ZCCHC7: variants seen among roughly 807,000 people sequenced by gnomAD.
ZCCHC7 encodes zinc finger CCHC-type containing 7.
ZCCHC7 carries 35 observed loss-of-function variants against 52.0 expected under a neutral mutation model. The ratio of observed to expected loss-of-function variants is 0.67; its 90% CI spans 0.51 to 0.89. ZCCHC7 has a LOEUF of 0.89. Ranked by LOEUF, ZCCHC7 falls within the 40% of genes least tolerant of loss-of-function variation. ZCCHC7 has a pLI of 0.00. For missense variants in ZCCHC7, 574 were observed against 649.1 expected (o/e 0.88, Z 1.26); for synonymous variants, 217 against 221.5 (o/e 0.98, Z 0.18).
intron 2 of ZCCHC7, among the ~76,000 whole-genome samples, chr9:37,177,010 A>G (rs1293266174): frequency 5.9e-5 from 9 of 152,198 alleles, no homozygotes; most frequent in Non-Finnish European, 2.9e-5. Flanking sequence ...GGCCAGGACA[A>G]CAGAAAGTTG....
At chr9:37,319,674 C>A (rs1375065067) in intron 5 of ZCCHC7, among the ~76,000 whole-genome samples, 1 of 152,176 alleles carries the variant, frequency 6.6e-6, no homozygotes, top group African/African-American at 2.4e-5. Flanking sequence ...GATCTGCCTA[C>A]CTTGGCCTCA....
chr9:37,294,385 A>G (rs1386289634), intron 2 of ZCCHC7, among the ~76,000 whole-genome samples: 11 of 152,288 alleles, frequency 7.2e-5, no homozygotes, highest in African/African-American at 2.2e-4. Flanking sequence ...TGACATAAAT[A>G]TCTGGCAGCT....
chr9:37,274,349 T>A, intron 2 of ZCCHC7, among the ~76,000 whole-genome samples: 1 of 140,856 alleles, frequency 7.1e-6, no homozygotes, highest in African/African-American at 2.7e-5. Context: ...TTTTTTTTTT[T>A]TTTTTTTTGA....
chr9:37,207,845 C>G (rs943444219), intron 2 of ZCCHC7, among the ~76,000 whole-genome samples: 2 of 151,924 alleles, frequency 1.3e-5, no homozygotes, highest in African/African-American at 2.4e-5. Context: ...GTGTGATTTC[C>G]TATCTGTTTA....
chr9:37,352,653 A>G (rs998375391), intron 7 of ZCCHC7, among the ~76,000 whole-genome samples: 3 of 149,432 alleles, frequency 2.0e-5, no homozygotes, highest in African/African-American at 7.4e-5. Context: ...AGTAGCTGGG[A>G]TTACAGGCAT....
rs1820788493 is a variant in ZCCHC7, at chr9:37,155,886, G to A, written c.610+28944G>A. 2.6e-5 allele frequency among the ~76,000 whole-genome samples: 4 copies of A among 152,122 alleles called. 1 individual carries two copies. In the South Asian group the frequency reaches 8.3e-4, roughly 31 times the overall value. On this transcript the variant is annotated intron_variant, in intron 2 of 8. Coordinates refer to ENST00000336755, the MANE Select transcript of ZCCHC7 (RefSeq NM_032226.3). ...TCATCACTTCATAAATATTTATTGA[G>A]TGTTTTTCTTGTTAAGCACTAGATA... is the stretch of plus-strand genomic sequence containing the variant.
intron 6 of ZCCHC7, among the ~76,000 whole-genome samples, chr9:37,344,963 C>T (rs1022633121): frequency 4.6e-5 from 7 of 152,222 alleles, no homozygotes; most frequent in African/African-American, 1.7e-4. Flanking sequence ...TTCTGCTCTA[C>T]TTGTCCCCTT....
upstream of ZCCHC7, chr9:37,120,556 C>T: frequency 2.5e-6 from 1 of 399,452 alleles, no homozygotes. Flanking sequence ...CCTCATTTGT[C>T]CTCGCCCCTC....
intron 2 of ZCCHC7, among the ~76,000 whole-genome samples, chr9:37,212,689 G>C (rs1230084547): frequency 1.3e-5 from 2 of 152,138 alleles, no homozygotes; most frequent in Non-Finnish European, 2.9e-5. Context: ...TGGATGAATT[G>C]CTTCTCTCTC....
chr9:37,148,036 T>C (rs988626334), intron 2 of ZCCHC7, among the ~76,000 whole-genome samples: 4 of 152,100 alleles, frequency 2.6e-5, no homozygotes, highest in African/African-American at 9.7e-5. Flanking sequence ...GAATCTATAC[T>C]TGCATCTGTC....
chr9:37,136,229 T>G (rs1167904290), intron 2 of ZCCHC7, among the ~76,000 whole-genome samples: 1 of 152,198 alleles, frequency 6.6e-6, no homozygotes, highest in African/African-American at 2.4e-5. Flanking sequence ...TTTGGGTAAC[T>G]TAATTTCTTT....
At chr9:37,269,113 TC>T (rs1827261188) in intron 2 of ZCCHC7, among the ~76,000 whole-genome samples, 1 of 152,202 alleles carries the variant, frequency 6.6e-6, no homozygotes, top group Admixed American at 6.5e-5. Context: ...TTGCTTGCTG[TC>T]CTGAAGGTAG....
intron 2 of ZCCHC7, among the ~76,000 whole-genome samples, chr9:37,245,424 A>G (rs1170379529): frequency 6.6e-6 from 1 of 152,078 alleles, no homozygotes; most frequent in African/African-American, 2.4e-5. Flanking sequence ...AAATTATTAG[A>G]TAAGCAAATA....
Position 37,354,491 on chromosome 9 carries a change from G to C in ZCCHC7, c.1084-219G>C, listed in dbSNP as rs2118688870. ...TACGAAGGGTTTCATAGGTAAAGAA[G>C]TAAGGGAAGAAAACTCAAGCTTGAA... On this transcript the variant is annotated intron_variant, in intron 7 of 8. Transcript: ENST00000336755. This position sits in a 1 kb window ranked among gnomAD's most constrained non-coding sequence, Gnocchi z 4.0. Among the ~76,000 whole-genome samples the C allele has an allele frequency of 6.6e-6, 1 of 152,314 alleles. No homozygotes were observed.
chr9:37,239,473 A>G (rs1447903736), intron 2 of ZCCHC7, among the ~76,000 whole-genome samples: 1 of 152,116 alleles, frequency 6.6e-6, no homozygotes, highest in Non-Finnish European at 1.5e-5. Context: ...TACTAGGCTG[A>G]AACAAAAGAA....
chr9:37,339,171 A>G (rs1830816417), intron 6 of ZCCHC7, among the ~76,000 whole-genome samples: 1 of 152,210 alleles, frequency 6.6e-6, no homozygotes, highest in African/African-American at 2.4e-5. Context: ...TCACTAAGCA[A>G]AAATAAAAGC....
chr9:37,268,002 CTTGAAG>C (rs1827200412), intron 2 of ZCCHC7, among the ~76,000 whole-genome samples: 1 of 152,138 alleles, frequency 6.6e-6, no homozygotes, highest in African/African-American at 2.4e-5. Flanking sequence ...CCTGCATTTT[CTTGAAG>C]TTGAAGATTT....
chr9:37,176,929 TTTTG>T (rs904756356), intron 2 of ZCCHC7, among the ~76,000 whole-genome samples: 50 of 152,218 alleles, frequency 3.3e-4, no homozygotes, highest in Admixed American at 8.5e-4. Context: ...ACACTGGTGT[TTTTG>T]TTTGTTTGTT....
intron 2 of ZCCHC7, among the ~76,000 whole-genome samples, chr9:37,235,223 C>T (rs1048899009): frequency 6.6e-6 from 1 of 152,176 alleles, no homozygotes; most frequent in Non-Finnish European, 1.5e-5. Context: ...TCCTATCCAT[C>T]TGTTCTTTTA....
Sources: gnomAD v4.1 joint callset for allele counts (sites outside exome capture counted in the v4.1 genomes callset) on GRCh38, gnomAD v4.1.1 for gene constraint, Gnocchi (gnomAD v3.1) non-coding constraint, MANE v1.5 for transcripts, NCBI Gene and HGNC (gene_info 2026-07-23, HGNC 2026-07-21) for gene names.